The following RBFOX1 variants were observed in gnomAD, a reference collection of about 807,000 sequenced individuals.
The protein encoded by RBFOX1 is RNA binding protein fox-1 homolog 1.
A neutral mutation model predicts 57.7 loss-of-function variants in RBFOX1; 8 were observed. The observed-to-expected ratio is 0.14, with a 90% CI of 0.08 to 0.25. The LOEUF (loss-of-function observed/expected upper bound fraction) is 0.25. Among genes scored for constraint, RBFOX1 ranks in the 10% least tolerant of loss-of-function variants. RBFOX1 has a pLI of 1.00. For synonymous variants in RBFOX1, 326 were observed against 222.4 expected, an observed-to-expected ratio of 1.47 and a Z score of -4.15; for missense variants, 611 against 548.5, an observed-to-expected ratio of 1.11 and a Z score of -1.14.
chr16:5,691,032 A>G (rs758325734), intron 3 of RBFOX1, among the ~76,000 whole-genome samples: 2 of 152,186 alleles, frequency 1.3e-5, no homozygotes, highest in Non-Finnish European at 2.9e-5. Flanking sequence ...AATTTTGAGT[A>G]CAGTGACACA....
intron 3 of RBFOX1, among the ~76,000 whole-genome samples, chr16:5,849,713 A>G (rs2056845160): frequency 6.6e-6 from 1 of 152,074 alleles, no homozygotes; most frequent in South Asian, 2.1e-4. Flanking sequence ...TCTGATAATT[A>G]TTTATTAGCA....
chr16:7,221,946 G>A (rs916495479), intron 4 of RBFOX1, among the ~76,000 whole-genome samples: 4 of 152,200 alleles, frequency 2.6e-5, no homozygotes, highest in African/African-American at 9.7e-5. Context: ...TGCAGAAGAG[G>A]CTTCTAAGTC....
chr16:7,437,973 G>A (rs2098736216), intron 4 of RBFOX1, among the ~76,000 whole-genome samples: 1 of 151,888 alleles, frequency 6.6e-6, no homozygotes. Flanking sequence ...GGTCTTTGAA[G>A]CTTTTAGGAT....
intron 2 of RBFOX1, among the ~76,000 whole-genome samples, chr16:6,394,507 CT>C (rs35419519): frequency 8.0e-5 from 12 of 150,358 alleles, no homozygotes; most frequent in East Asian, 2.0e-4. Context: ...GGGAAAATTG[CT>C]TTTTTTTTGT....
chr16:7,564,522 C>A (rs754965553), intron 5 of RBFOX1, among the ~76,000 whole-genome samples: 2 of 118,078 alleles, frequency 1.7e-5, no homozygotes, highest in Non-Finnish European at 3.2e-5. Flanking sequence ...GCCTGGCTGA[C>A]AGAGCAAGAC....
chr16:6,785,502 C>T (rs1603623449), intron 3 of RBFOX1, among the ~76,000 whole-genome samples: 1 of 152,276 alleles, frequency 6.6e-6, no homozygotes. Context: ...CAACACCTTT[C>T]CATCCTACCT....
intron 4 of RBFOX1, among the ~76,000 whole-genome samples, chr16:7,386,804 C>G (rs2097890887): frequency 6.6e-6 from 1 of 152,166 alleles, no homozygotes; most frequent in Admixed American, 6.5e-5. Context: ...AATCGCCACA[C>G]TGTCTTCCAC....
chr16:6,859,130 C>CGTATATATATATGTATATATATATGT (rs1238966168), intron 3 of RBFOX1, among the ~76,000 whole-genome samples: 1 of 82,482 alleles, frequency 1.2e-5, no homozygotes, highest in African/African-American at 6.8e-5. Context: ...TATATATATA[C>CGTATATATATATGTATATATATATGT]ATATATATAC....
At chr16:7,392,578 T>C (rs755417680) in intron 4 of RBFOX1, among the ~76,000 whole-genome samples, 14 of 152,114 alleles carry the variant, frequency 9.2e-5, no homozygotes, top group Non-Finnish European at 1.9e-4. Context: ...CTCCTGTGGG[T>C]TTGTGATGGC....
chr16:6,353,238 C>T (rs185400746), intron 2 of RBFOX1, among the ~76,000 whole-genome samples: 2 of 152,076 alleles, frequency 1.3e-5, no homozygotes, highest in African/African-American at 2.4e-5. Flanking sequence ...TTTTATCATA[C>T]GTCCTCCATC....
chr16:7,481,928 A>G (rs1269867613), intron 4 of RBFOX1, among the ~76,000 whole-genome samples: 1 of 152,230 alleles, frequency 6.6e-6, no homozygotes, highest in Non-Finnish European at 1.5e-5. Context: ...AATTGAATGC[A>G]TTACTGAAAG....
At chr16:6,972,892 A>G (rs1280025204) in intron 3 of RBFOX1, among the ~76,000 whole-genome samples, 1 of 152,092 alleles carries the variant, frequency 6.6e-6, no homozygotes, top group Non-Finnish European at 1.5e-5. Flanking sequence ...GGGAGGCTGA[A>G]GTGGGTGGAT....
At chr16:6,717,766 C>T (rs114632830) in intron 3 of RBFOX1, among the ~76,000 whole-genome samples, 3,213 of 152,130 alleles carry the variant, frequency 0.021, 56 homozygotes, top group South Asian at 0.052. Flanking sequence ...TATGTGTTTA[C>T]GGGCTGCAAT....
At chr16:7,547,505 A>G (rs934734113) in intron 5 of RBFOX1, among the ~76,000 whole-genome samples, 1 of 152,218 alleles carries the variant, frequency 6.6e-6, no homozygotes, top group African/African-American at 2.4e-5. Flanking sequence ...TCTGCAAGCT[A>G]GGGTTACTTA....
intron 4 of RBFOX1, among the ~76,000 whole-genome samples, chr16:7,168,415 T>A (rs2080010508): frequency 6.6e-6 from 1 of 151,852 alleles, no homozygotes; most frequent in African/African-American, 2.4e-5. Context: ...AACAGCCACA[T>A]TGTCCACCAA....
intron 3 of RBFOX1, among the ~76,000 whole-genome samples, chr16:6,712,189 C>G (rs1056221251): frequency 1.3e-5 from 2 of 152,152 alleles, no homozygotes; most frequent in African/African-American, 4.8e-5. Flanking sequence ...TCATTATTTA[C>G]TATCAGAGGC....
In RBFOX1 at chr16:5,628,008, C is replaced by G. The variant is rs904011670; in HGVS notation, c.318+29047C>G. On this transcript the variant is annotated intron_variant, in intron 3 of 19. Transcript: ENST00000641259. The stretch of plus-strand genomic sequence containing the variant: ...CTTATAGCCTTAGGTATTGTCAGGC[C>G]TCTTCTGCCATCAGAGAGAGGAATT... Among the ~76,000 whole-genome samples the G allele has an allele frequency of 2.0e-5, 3 of 152,280 alleles. No individual in the cohort carries two copies. The East Asian group carries it at 5.8e-4, about 29-fold the overall frequency.
At chr16:6,206,932 C>T (rs2344666) in intron 1 of RBFOX1, among the ~76,000 whole-genome samples, 1 of 151,950 alleles carries the variant, frequency 6.6e-6, no homozygotes, top group African/African-American at 2.4e-5. Context: ...TGGTGAGCAC[C>T]TTGTAATACA....
chr16:6,768,414 A>C (rs1158533601), intron 3 of RBFOX1, among the ~76,000 whole-genome samples: 1 of 152,116 alleles, frequency 6.6e-6, no homozygotes, highest in Non-Finnish European at 1.5e-5. Context: ...TGCTCCAAGC[A>C]AATCAAACAT....
Sources: gnomAD v4.1 joint callset for allele counts (sites outside exome capture counted in the v4.1 genomes callset) on GRCh38, gnomAD v4.1.1 for gene constraint, MANE v1.5 for transcripts, NCBI Gene and HGNC (gene_info 2026-07-23, HGNC 2026-07-21) for gene names.